Variants in ACACB observed in about 807,000 individuals in gnomAD.
ACACB encodes acetyl-CoA carboxylase 2.
ACACB carries 209 observed loss-of-function variants against 278.8 expected under a neutral mutation model. The observed-to-expected ratio is 0.75, with a 90% CI of 0.67 to 0.84. The LOEUF is 0.84. Among genes scored for constraint, ACACB ranks in the 40% least tolerant of loss-of-function variants. The probability of loss-of-function intolerance (pLI) is 0.00; values close to 1 mark genes in which losing one functional copy is unlikely to be tolerated. For synonymous variants in ACACB, 1,174 were observed against 1,285.6 expected (o/e 0.91, Z 1.86); for missense variants, 2,850 against 3,269.0 (o/e 0.87, Z 3.13).
At chr12:109,135,616 C>A (rs1337109885) in intron 1 of ACACB, among the ~76,000 whole-genome samples, 3 of 151,750 alleles carry the variant, frequency 2.0e-5, no homozygotes, top group Admixed American at 2.0e-4. Flanking sequence ...AATCAATTGA[C>A]AAATCCAAGG....
rs112797090 is a variant in ACACB at position 109,162,069 on chromosome 12, C to T, written c.654-4792C>T. Among the ~76,000 whole-genome samples, 1,407 of 151,792 alleles carry T rather than the reference C, an allele frequency of 9.3e-3. 28 individuals are homozygous for T. Among genetic ancestry groups the T allele is most frequent in the African/African-American group, 0.032 (1,340 of 41,350 alleles). On this transcript the variant is annotated intron_variant, in intron 2 of 52. Transcript: ENST00000338432. Reference sequence around the variant, plus strand: ...TCAGCTCACTGCAACCTCTGCCTCCCGGGTTCAAGTGATTTTTGTGCCTCA... The same window carrying T: ...TCAGCTCACTGCAACCTCTGCCTCCTGGGTTCAAGTGATTTTTGTGCCTCA...
At chr12:109,243,306 A>T (rs1200212905) in intron 37 of ACACB, among the ~76,000 whole-genome samples, 7 of 152,144 alleles carry the variant, frequency 4.6e-5, no homozygotes, top group Non-Finnish European at 1.0e-4. Flanking sequence ...CTCTTAAAAA[A>T]TAATGTTTTG....
intron 33 of ACACB, chr12:109,236,104 CTATA>C: frequency 6.3e-6 from 1 of 159,052 alleles, no homozygotes; most frequent in Non-Finnish European, 1.4e-5. Context: ...ATAGCTGGGA[CTATA>C]GGCACATGCC....
chr12:109,217,963 C>T (rs1049536971), intron 24 of ACACB, among the ~76,000 whole-genome samples: 2 of 152,314 alleles, frequency 1.3e-5, no homozygotes, highest in African/African-American at 4.8e-5. Context: ...ACGCAGCAGT[C>T]CTAGAAAGTG....
At chr12:109,144,129 A>G (rs2043183710) in intron 2 of ACACB, among the ~76,000 whole-genome samples, 1 of 152,166 alleles carries the variant, frequency 6.6e-6, no homozygotes, top group Non-Finnish European at 1.5e-5. Flanking sequence ...CCTGGGCAAC[A>G]TGGTGAAACC....
chr12:109,257,785 G>A (rs2047268396), intron 45 of ACACB, among the ~76,000 whole-genome samples: 1 of 152,062 alleles, frequency 6.6e-6, no homozygotes, highest in South Asian at 2.1e-4. Flanking sequence ...TGTCCAGGCT[G>A]GTCTCAAACT....
intron 35 of ACACB, among the ~76,000 whole-genome samples, chr12:109,240,357 G>A (rs2046760069): frequency 6.6e-6 from 1 of 152,072 alleles, no homozygotes; most frequent in Non-Finnish European, 1.5e-5. Flanking sequence ...CGAGCAGACA[G>A]ACTTTTATGG....
At chr12:109,192,698 A>G (rs1279230601) in intron 15 of ACACB, among the ~76,000 whole-genome samples, 1 of 151,882 alleles carries the variant, frequency 6.6e-6, no homozygotes, top group Non-Finnish European at 1.5e-5. Flanking sequence ...CATCCAGGCT[A>G]TCACCCAGGC....
upstream of ACACB, among the ~76,000 whole-genome samples, chr12:109,114,759 G>A (rs1210049228): frequency 1.3e-5 from 2 of 152,002 alleles, no homozygotes; most frequent in African/African-American, 2.4e-5. Flanking sequence ...AGCTGAGGCA[G>A]GAGGATCATT....
intron 6 of ACACB, among the ~76,000 whole-genome samples, chr12:109,173,744 G>A (rs946538348): frequency 1.3e-5 from 2 of 152,194 alleles, no homozygotes; most frequent in Admixed American, 6.5e-5. Flanking sequence ...CTGCAGGCTC[G>A]CACAACTGAA....
chr12:109,206,669 CAG>C, intron 19 of ACACB, 39 bp from the exon 20 acceptor site: 2 of 1,609,958 alleles, frequency 1.2e-6, no homozygotes, highest in Non-Finnish European at 1.7e-6. Context: ...TTGGAATTCC[CAG>C]AGTTTTCCTG....
intron 25 of ACACB, 88 bp downstream of exon 25, chr12:109,222,708 A>T: frequency 1.3e-6 from 2 of 1,506,248 alleles, no homozygotes; most frequent in Non-Finnish European, 1.8e-6. Flanking sequence ...CACCATGCAC[A>T]GTCCCACCGT....
intron 34 of ACACB, 105 bp downstream of exon 34, chr12:109,237,485 ACAC>A (rs1385533105): frequency 1.3e-5 from 15 of 1,195,160 alleles, no homozygotes; most frequent in Non-Finnish European, 1.8e-5. Flanking sequence ...GATGGAGAGT[ACAC>A]CAACACCCAG....
At chr12:109,200,943 C>A (rs2045311148) in intron 18 of ACACB, among the ~76,000 whole-genome samples, 1 of 152,078 alleles carries the variant, frequency 6.6e-6, no homozygotes, top group South Asian at 2.1e-4. Flanking sequence ...CTGAAGATCA[C>A]AGAGGTATTG....
chr12:109,190,214 G>A (rs896938843), intron 13 of ACACB, among the ~76,000 whole-genome samples: 7 of 152,186 alleles, frequency 4.6e-5, no homozygotes, highest in African/African-American at 1.7e-4. Context: ...TCAGCTTCCC[G>A]AGTAGCTGGG....
upstream of ACACB, chr12:109,116,583 C>T (rs1361952000): frequency 1.3e-5 from 2 of 152,122 alleles, no homozygotes; most frequent in Non-Finnish European, 2.9e-5. Context: ...CATTTGCAGT[C>T]CCCAGAGTAA....
chr12:109,157,691 TGGAG>T (rs560715025), intron 2 of ACACB, among the ~76,000 whole-genome samples: 102 of 152,332 alleles, frequency 6.7e-4, no homozygotes, highest in African/African-American at 2.4e-3. Flanking sequence ...AAGAGCCCTC[TGGAG>T]TTGGGAGGCA....
rs1288283792 is a variant in ACACB at position 109,210,497 on chromosome 12, G to A, written c.3249+1144G>A. 1.0e-4 allele frequency among the ~76,000 whole-genome samples: 15 copies of A among 146,598 alleles called. No individual in the cohort carries two copies. The East Asian group carries it at 2.4e-3, about 24-fold the overall frequency. On this transcript the variant is annotated intron_variant, in intron 21 of 52. Transcript: ENST00000338432. ...CATGTGTATATGTGTATATATACAT[G>A]TATGTGTATATACGCACATACATGT...
chr12:109,111,618 C>T (rs1352266006), upstream of ACACB: 5 of 150,640 alleles, frequency 3.3e-5, no homozygotes, highest in Admixed American at 2.7e-4. Flanking sequence ...TACAGTGGCG[C>T]GATCTCGGCT....
Sources: gnomAD v4.1 joint callset for allele counts (sites outside exome capture counted in the v4.1 genomes callset) on GRCh38, gnomAD v4.1.1 for gene constraint, MANE v1.5 for transcripts, NCBI Gene and HGNC (gene_info 2026-07-23, HGNC 2026-07-21) for gene names.